The following ZNF100 variants were observed in gnomAD, a reference collection of about 807,000 sequenced individuals.
ZNF100 encodes the protein zinc finger protein 100 (Y1).
A neutral mutation model predicts 15.8 loss-of-function variants in ZNF100; 12 were observed. That is an observed-to-expected ratio of 0.76 (90% CI 0.49 to 1.23). The LOEUF (loss-of-function observed/expected upper bound fraction) is 1.23. ZNF100 is among the 50% of genes most tolerant of loss of function. The pLI is 0.00. For synonymous variants in ZNF100, 226 were observed against 214.8 expected, an observed-to-expected ratio of 1.05 and a Z score of -0.45; for missense variants, 670 against 635.6, an observed-to-expected ratio of 1.05 and a Z score of -0.58.
At chr19:21,766,416 TAAAA>T (rs34113075) in intron 1 of ZNF100, among the ~76,000 whole-genome samples, 1 of 144,276 alleles carries the variant, frequency 6.9e-6, no homozygotes, top group African/African-American at 2.5e-5. Flanking sequence ...GGTTCCTACT[TAAAA>T]AAAAAAAAAA....
At chr19:21,737,673 A>C (rs1339919390) in intron 4 of ZNF100, among the ~76,000 whole-genome samples, 3 of 152,194 alleles carry the variant, frequency 2.0e-5, no homozygotes, top group African/African-American at 7.2e-5. Flanking sequence ...CCAAGACTGA[A>C]CCAGGAAGAA....
intron 2 of ZNF100, among the ~76,000 whole-genome samples, chr19:21,747,481 A>G (rs993045905): frequency 6.6e-6 from 1 of 152,212 alleles, no homozygotes; most frequent in Non-Finnish European, 1.5e-5. Context: ...CACTTTATGT[A>G]ATGTGATTCT....
chr19:21,758,926 A>G (rs1381945788), intron 2 of ZNF100, among the ~76,000 whole-genome samples: 4 of 152,174 alleles, frequency 2.6e-5, no homozygotes, highest in Non-Finnish European at 5.9e-5. Flanking sequence ...CAAGACACCA[A>G]GAGTTCCATT....
At chr19:21,753,889 T>C (rs917227824) in intron 2 of ZNF100, among the ~76,000 whole-genome samples, 1 of 152,190 alleles carries the variant, frequency 6.6e-6, no homozygotes, top group Non-Finnish European at 1.5e-5. Flanking sequence ...AACCTGTAGG[T>C]GTCCCATTAA....
At chr19:21,749,520 C>T (rs1255032104) in intron 2 of ZNF100, among the ~76,000 whole-genome samples, 1 of 152,184 alleles carries the variant, frequency 6.6e-6, no homozygotes, top group Non-Finnish European at 1.5e-5. Context: ...CTTGGTGGAG[C>T]TCCAGAACCT....
chr19:21,740,426 G>A (rs577500283), intron 4 of ZNF100, among the ~76,000 whole-genome samples: 1 of 151,944 alleles, frequency 6.6e-6, no homozygotes, highest in South Asian at 2.1e-4. Flanking sequence ...AAATGCATGA[G>A]CAACAACAGA....
At chr19:21,735,920 C>T (rs2036001116) in intron 4 of ZNF100, among the ~76,000 whole-genome samples, 2 of 151,774 alleles carry the variant, frequency 1.3e-5, no homozygotes, top group African/African-American at 4.8e-5. Flanking sequence ...TCCTGAGCAG[C>T]TGGGACTACA....
intron 2 of ZNF100, among the ~76,000 whole-genome samples, chr19:21,755,460 T>G (rs116095496): frequency 6.6e-6 from 1 of 151,760 alleles, no homozygotes. Context: ...TGTGGAGAAA[T>G]AGTAACACTT....
chr19:21,745,081 GCA>G lies in ZNF100; in HGVS notation c.97-16_97-15del, dbSNP rs1363112027. On this transcript the variant is annotated splice_polypyrimidine_tract_variant and intron_variant, in intron 2 of 4. Coordinates refer to ENST00000358296, the MANE Select transcript of ZNF100 (RefSeq NM_173531.4). ...CGTCAATGGCCCCTGAAAAGCACAAGCACAGAGACACACATATATTTACCAAG... is the reference window on the plus strand; with the variant it reads ...CGTCAATGGCCCCTGAAAAGCACAAGCAGAGACACACATATATTTACCAAG... The G allele has an allele frequency of 1.9e-6, 3 of 1,602,598 alleles. No homozygotes were observed. Among genetic ancestry groups the G allele is most frequent in the Middle Eastern group, 1.7e-4 (1 of 5,998 alleles).
At chr19:21,756,909 C>T (rs1018860715) in intron 2 of ZNF100, among the ~76,000 whole-genome samples, 8 of 152,164 alleles carry the variant, frequency 5.3e-5, no homozygotes, top group Non-Finnish European at 5.9e-5. Flanking sequence ...AAATGCAACA[C>T]AATAGAGAGG....
intron 4 of ZNF100, among the ~76,000 whole-genome samples, chr19:21,730,363 T>G (rs2035890757): frequency 6.6e-6 from 1 of 151,794 alleles, no homozygotes; most frequent in East Asian, 1.9e-4. Flanking sequence ...CTTTCATATT[T>G]TATAAAATGT....
At chr19:21,764,564 C>T (rs375598973) in intron 2 of ZNF100, among the ~76,000 whole-genome samples, 2 of 151,600 alleles carry the variant, frequency 1.3e-5, no homozygotes, top group African/African-American at 2.4e-5. Context: ...CACTTGAACC[C>T]GGGAGGCGGA....
chr19:21,742,391 T>C (rs2036129210), intron 4 of ZNF100, among the ~76,000 whole-genome samples: 1 of 147,034 alleles, frequency 6.8e-6, no homozygotes, highest in Admixed American at 6.8e-5. Context: ...TTTTTTTTTT[T>C]TTTTGAGACA....
chr19:21,762,003 G>C (rs777400703), intron 2 of ZNF100, among the ~76,000 whole-genome samples: 3 of 152,096 alleles, frequency 2.0e-5, no homozygotes, highest in Non-Finnish European at 4.4e-5. Context: ...GATCACTTGA[G>C]GTTAAGAGTT....
chr19:21,765,707 G>C lies in ZNF100; in HGVS notation c.83C>G (p.Ser28Cys). 4.3e-6 allele frequency: 7 copies of C among 1,614,070 alleles called. No homozygotes were observed. Among genetic ancestry groups the C allele is most frequent in the Non-Finnish European group, 5.9e-6 (7 of 1,179,984 alleles). Residue 28 changes from serine to cysteine, a missense_variant, in exon 2 of 5, where the codon TCT becomes TGT. Ser to Cys is a moderately radical substitution (Grantham distance 112, BLOSUM62 -1). Coordinates refer to ENST00000358296, the MANE Select transcript of ZNF100 (RefSeq NM_173531.4). ...PGAERSLLVQ[S>C]YFEKGPLTFR... ...TCAAGGGGTTACCTTTTCAAAATAAGACTGCACCAGAAGACTCCTCTCAGC... is the reference window on the plus strand; with the variant it reads ...TCAAGGGGTTACCTTTTCAAAATAACACTGCACCAGAAGACTCCTCTCAGC...
intron 2 of ZNF100, among the ~76,000 whole-genome samples, chr19:21,762,493 T>C (rs1042094450): frequency 2.6e-5 from 4 of 152,210 alleles, no homozygotes; most frequent in Admixed American, 6.5e-5. Flanking sequence ...TGAACACTTA[T>C]TAATCTTCCA....
intron 2 of ZNF100, among the ~76,000 whole-genome samples, chr19:21,761,861 G>A (rs919412341): frequency 1.1e-4 from 16 of 152,188 alleles, no homozygotes; most frequent in Non-Finnish European, 2.2e-4. Context: ...ACATCTTGGA[G>A]ACAATAGAGT....
In ZNF100 at chr19:21,765,850, G is replaced by A. The variant is rs904240982; in HGVS notation, c.4-64C>T. ...GCACTTTAGCTGACAGAACCATGGC[G>A]GATATCTCGGTTTATCCACAGATAG... On this transcript the variant is annotated intron_variant, in intron 1 of 4. Coordinates refer to ENST00000358296, the MANE Select transcript of ZNF100 (RefSeq NM_173531.4). The A allele has an allele frequency of 2.8e-5, 42 of 1,502,902 alleles. No homozygotes were observed. In the South Asian group the frequency reaches 2.9e-4, roughly 11 times the overall value. 93.1% of individuals were successfully genotyped at this position (1,502,902 alleles called of 1,614,324 possible).
chr19:21,733,077 C>T (rs549343264), intron 4 of ZNF100, among the ~76,000 whole-genome samples: 36 of 152,004 alleles, frequency 2.4e-4, no homozygotes, highest in African/African-American at 8.2e-4. Flanking sequence ...AAAAGAAATG[C>T]TAAAATGAGT....
Sources: gnomAD v4.1 joint callset for allele counts (sites outside exome capture counted in the v4.1 genomes callset) on GRCh38, gnomAD v4.1.1 for gene constraint, MANE v1.5 for transcripts, NCBI Gene and HGNC (gene_info 2026-07-23, HGNC 2026-07-21) for gene names.